Variants in RNF220 observed in about 807,000 individuals in gnomAD.
RNF220 encodes the protein E3 ubiquitin-protein ligase RNF220.
RNF220 carries 7 observed loss-of-function variants against 67.1 expected under a neutral mutation model. The ratio of observed to expected loss-of-function variants is 0.10; its 90% CI spans 0.06 to 0.20. The LOEUF (loss-of-function observed/expected upper bound fraction) is 0.20, where lower values mean the gene tolerates loss of function less well. RNF220 is among the 10% of genes least tolerant of loss of function. The pLI, the probability that RNF220 is intolerant of heterozygous loss-of-function variation, is 1.00. For synonymous variants in RNF220, 270 were observed against 283.2 expected, an observed-to-expected ratio of 0.95 and a Z score of 0.47; for missense variants, 565 against 740.3, an observed-to-expected ratio of 0.76 and a Z score of 2.75.
intron 2 of RNF220, among the ~76,000 whole-genome samples, chr1:44,532,512 C>T (rs1310609611): frequency 6.6e-6 from 1 of 152,144 alleles, no homozygotes; most frequent in Non-Finnish European, 1.5e-5. Flanking sequence ...TGTGGGTGAG[C>T]ATTATGAGCT....
In RNF220 at chr1:44,412,354, G is replaced by A. The variant is rs1360191995; in HGVS notation, c.257G>A (p.Arg86His). The change falls in exon 2 of 15, where the codon CGT becomes CAT. Residue 86 changes from arginine (R) to histidine (H), a missense_variant. Transcript: ENST00000361799. The surrounding 1 kb of genome is among the most constrained non-coding windows in gnomAD (Gnocchi z 5.3). ...GGGGTGCCAGGCACTTTTGCCAATC[G>A]TGATTTCCCCCCTTCTCTACTACAC... ...QGGVPGTFAN[R>H]DFPPSLLHLH... The A allele has an allele frequency of 1.9e-6, 3 of 1,614,106 alleles. No individual in the cohort carries two copies. The highest frequency in any genetic ancestry group is 2.2e-5 in the East Asian group (1 of 44,874).
rs1657368741 is a variant in RNF220, at chr1:44,496,618, TC to T, written c.625+83899del. Among the ~76,000 whole-genome samples the T allele has an allele frequency of 2.6e-5, 4 of 152,124 alleles. No individual in the cohort carries two copies. The South Asian group carries it at 8.3e-4, about 32-fold the overall frequency. On this transcript the variant is annotated intron_variant, in intron 2 of 14. Transcript: ENST00000361799. ...AAGGGTGACTTGTCACTTCAGCAGGTCCCACTTTTCACCCCTGCCCTTGGCC... is the reference window on the plus strand; with the variant it reads ...AAGGGTGACTTGTCACTTCAGCAGGTCCACTTTTCACCCCTGCCCTTGGCC...
At chr1:44,487,708 T>C (rs868339365) in intron 2 of RNF220, among the ~76,000 whole-genome samples, 21 of 146,722 alleles carry the variant, frequency 1.4e-4, no homozygotes, top group Admixed American at 1.4e-3. Context: ...ATAATAATAA[T>C]AACAATAATA....
chr1:44,550,288 A>G (rs1662523384), intron 2 of RNF220, among the ~76,000 whole-genome samples: 3 of 152,166 alleles, frequency 2.0e-5, no homozygotes, highest in South Asian at 2.1e-4. Context: ...TGACCTCTCT[A>G]CTGCAACCAA....
At chr1:44,497,790 A>AGTG (rs1657476250) in intron 2 of RNF220, among the ~76,000 whole-genome samples, 3 of 152,148 alleles carry the variant, frequency 2.0e-5, no homozygotes, top group Admixed American at 1.3e-4. Context: ...CACCTACTAT[A>AGTG]CTGCTGCAAG....
At chr1:44,590,825 G>A (rs1194381512) in intron 2 of RNF220, among the ~76,000 whole-genome samples, 2 of 152,176 alleles carry the variant, frequency 1.3e-5, no homozygotes, top group Admixed American at 6.5e-5. Flanking sequence ...GAAGTCTTGG[G>A]GGCTAGAGGA....
intron 1 of RNF220, among the ~76,000 whole-genome samples, chr1:44,407,803 C>T (rs937421503): frequency 3.9e-5 from 6 of 152,182 alleles, no homozygotes; most frequent in Non-Finnish European, 5.9e-5. Flanking sequence ...CCGCGGCTGC[C>T]CGCTGAAGCG....
chr1:44,427,646 A>G (rs984707172), intron 2 of RNF220, among the ~76,000 whole-genome samples: 1 of 152,256 alleles, frequency 6.6e-6, no homozygotes, highest in Non-Finnish European at 1.5e-5. Context: ...CTTTACAGAC[A>G]TAGTAGTTTA....
intron 2 of RNF220, among the ~76,000 whole-genome samples, chr1:44,537,377 A>ATGTG (rs377063866): frequency 7.2e-5 from 11 of 151,818 alleles, no homozygotes. Flanking sequence ...GTGGTTCTTA[A>ATGTG]TGTGTGTGTG....
chr1:44,450,833 G>A (rs1652595591), intron 2 of RNF220, among the ~76,000 whole-genome samples: 1 of 152,160 alleles, frequency 6.6e-6, no homozygotes, highest in Admixed American at 6.5e-5. Context: ...GTTTCTAGAA[G>A]TGGAAGTACT....
chr1:44,471,016 C>T (rs1009394775), intron 2 of RNF220, among the ~76,000 whole-genome samples: 1 of 152,140 alleles, frequency 6.6e-6, no homozygotes, highest in Non-Finnish European at 1.5e-5. Context: ...CACTTGAGCT[C>T]AGGCATTCGA....
At chr1:44,555,023 AT>A (rs1280057334) in intron 2 of RNF220, among the ~76,000 whole-genome samples, 1 of 152,006 alleles carries the variant, frequency 6.6e-6, no homozygotes, top group Non-Finnish European at 1.5e-5. Flanking sequence ...ACTTTCTTCA[AT>A]GGCTCATTTT....
At chr1:44,527,564 C>A (rs976659728) in intron 2 of RNF220, among the ~76,000 whole-genome samples, 4 of 151,890 alleles carry the variant, frequency 2.6e-5, no homozygotes, top group Non-Finnish European at 5.9e-5. Flanking sequence ...TCAAGACCAG[C>A]CCAGAAAACA....
intron 2 of RNF220, among the ~76,000 whole-genome samples, chr1:44,516,079 T>G (rs1230345591): frequency 6.6e-6 from 1 of 152,220 alleles, no homozygotes; most frequent in East Asian, 1.9e-4. Flanking sequence ...GATATGGGTG[T>G]TGTTTGCTTT....
chr1:44,477,604 A>C (rs193131201), intron 2 of RNF220, among the ~76,000 whole-genome samples: 2 of 152,354 alleles, frequency 1.3e-5, no homozygotes, highest in East Asian at 1.9e-4. Flanking sequence ...CTTACTTCTC[A>C]TGCATCTGTA....
At chr1:44,631,301 T>A (rs1374001446) in intron 5 of RNF220, among the ~76,000 whole-genome samples, 1 of 152,178 alleles carries the variant, frequency 6.6e-6, no homozygotes, top group Non-Finnish European at 1.5e-5. Context: ...GAGGTGGAGA[T>A]GAGAAAATTA....
chr1:44,481,929 T>C (rs1655856955), intron 2 of RNF220, among the ~76,000 whole-genome samples: 1 of 152,190 alleles, frequency 6.6e-6, no homozygotes, highest in African/African-American at 2.4e-5. Context: ...AGGGTCATTC[T>C]CTCAGTTGTA....
intron 2 of RNF220, among the ~76,000 whole-genome samples, chr1:44,551,040 C>T (rs889848905): frequency 6.6e-6 from 1 of 152,006 alleles, no homozygotes; most frequent in Admixed American, 6.6e-5. Flanking sequence ...CCCCCTAAAC[C>T]CTGCCAAAAT....
At chr1:44,438,913 A>G (rs1245749148) in intron 2 of RNF220, among the ~76,000 whole-genome samples, 1 of 152,192 alleles carries the variant, frequency 6.6e-6, no homozygotes, top group African/African-American at 2.4e-5. Flanking sequence ...TACAGATACT[A>G]CTGTATGTCA....
Sources: allele counts gnomAD v4.1 joint callset (sites outside exome capture counted in the v4.1 genomes callset), GRCh38; gene constraint gnomAD v4.1.1; non-coding constraint Gnocchi (gnomAD v3.1); transcripts MANE v1.5; gene names NCBI Gene and HGNC (gene_info 2026-07-23, HGNC 2026-07-21).